DOP1B: variants seen among roughly 807,000 people sequenced by gnomAD.
The protein encoded by DOP1B is DOP1 leucine zipper like protein B, also known as protein DOP1B.
A neutral mutation model predicts 233.5 loss-of-function variants in DOP1B; 174 were observed. That is an observed-to-expected ratio of 0.75 (90% CI 0.66 to 0.85). The LOEUF (loss-of-function observed/expected upper bound fraction) is 0.85. Ranked by LOEUF, DOP1B falls within the 40% of genes least tolerant of loss-of-function variation. The pLI, the probability that DOP1B is intolerant of heterozygous loss-of-function variation, is 0.00. For missense variants in DOP1B, 2,652 were observed against 2,846.6 expected (o/e 0.93, Z 1.56); for synonymous variants, 1,190 against 1,185.6 (o/e 1.00, Z -0.08).
rs201829630 is a variant in DOP1B, at chr21:36,245,206, G to A, written c.3226G>A (p.Glu1076Lys). 1.1e-5 allele frequency: 17 copies of A among 1,613,962 alleles called. No individual in the cohort carries two copies. The highest frequency in any genetic ancestry group is 1.3e-5 in the African/African-American group (1 of 74,936). The change falls in exon 19 of 37, where the codon GAG (glutamate) becomes AAG (lysine). Residue 1076 changes from glutamate (E) to lysine (K), a missense_variant. By Grantham distance (56) the Glu-to-Lys change is moderately conservative (BLOSUM62 1). This residue lies in a region of DOP1B where 2,617 missense variants were observed against 2,794.3 expected (regional missense o/e 0.94). Transcript: ENST00000691173. This position sits in a 1 kb window ranked among gnomAD's most constrained non-coding sequence, Gnocchi z 5.5. ...TTGGGCCGAAGTGGAGAAGGAGCCC[G>A]AGAAGTACCCGCTGCGAGGCGAGCT... ...AIWAEVEKEP[E>K]KYPLRGELSE...
At chr21:36,169,472 G>T in intron 2 of DOP1B, 1 of 1,100,920 alleles carries the variant, frequency 9.1e-7, no homozygotes. Context: ...CAGCTTCTTG[G>T]TGTGCCAACA....
chr21:36,194,620 G>T (rs1278068331), intron 2 of DOP1B, among the ~76,000 whole-genome samples: 2 of 151,608 alleles, frequency 1.3e-5, no homozygotes, highest in East Asian at 3.9e-4. Context: ...CTGAGTAGCT[G>T]GGACTGCAGG....
intron 32 of DOP1B, among the ~76,000 whole-genome samples, chr21:36,282,454 T>C (rs1205775748): frequency 6.6e-6 from 1 of 152,020 alleles, no homozygotes; most frequent in Non-Finnish European, 1.5e-5. Context: ...TACAGTGTTA[T>C]TAATTTGTAT....
At chr21:36,169,522 G>A (rs1042071589) in intron 2 of DOP1B, 47 of 1,118,818 alleles carry the variant, frequency 4.2e-5, no homozygotes, top group Admixed American at 2.1e-4. Context: ...TGGTCACCCC[G>A]ATGATGTCGA....
intron 23 of DOP1B, among the ~76,000 whole-genome samples, chr21:36,258,762 CT>C (rs1214528404): frequency 2.6e-5 from 4 of 152,148 alleles, no homozygotes; most frequent in African/African-American, 9.7e-5. Context: ...CTCAGTCCTC[CT>C]ATATTCTAGG....
intron 23 of DOP1B, among the ~76,000 whole-genome samples, chr21:36,255,820 C>T (rs893054391): frequency 1.3e-5 from 2 of 152,150 alleles, no homozygotes; most frequent in African/African-American, 2.4e-5. Flanking sequence ...CATCTGGCTG[C>T]TGTGAAACAG....
intron 2 of DOP1B, among the ~76,000 whole-genome samples, chr21:36,175,102 T>C (rs1329592368): frequency 7.8e-6 from 1 of 128,934 alleles, no homozygotes; most frequent in Non-Finnish European, 1.8e-5. Flanking sequence ...GTATCCAGAT[T>C]TCTTCTTCTT....
intron 2 of DOP1B, among the ~76,000 whole-genome samples, chr21:36,192,022 G>C (rs1167551532): frequency 6.6e-6 from 1 of 152,010 alleles, no homozygotes; most frequent in Non-Finnish European, 1.5e-5. Flanking sequence ...TCCAGATGGA[G>C]TCCTACCGAA....
intron 6 of DOP1B, 72 bp from the exon 7 acceptor site, chr21:36,211,902 G>A (rs1396252072): frequency 1.2e-6 from 2 of 1,601,108 alleles, no homozygotes; most frequent in Non-Finnish European, 1.7e-6. Flanking sequence ...CAGCAAGGAA[G>A]GGCTGCGTGT....
chr21:36,195,340 CAAAA>C (rs60003046), intron 2 of DOP1B, among the ~76,000 whole-genome samples: 2 of 84,084 alleles, frequency 2.4e-5, no homozygotes, highest in African/African-American at 4.7e-5. Flanking sequence ...GACTCTGGCT[CAAAA>C]AAAAAAAAAA....
chr21:36,256,231 A>G (rs1347373490), intron 23 of DOP1B, among the ~76,000 whole-genome samples: 5 of 152,138 alleles, frequency 3.3e-5, no homozygotes, highest in Non-Finnish European at 7.4e-5. Flanking sequence ...ACTTTAGTCC[A>G]GGAGTTCGAG....
intron 1 of DOP1B, among the ~76,000 whole-genome samples, chr21:36,163,650 A>G (rs1757654873): frequency 6.6e-6 from 1 of 152,244 alleles, no homozygotes; most frequent in Admixed American, 6.5e-5. Context: ...CAGACTGAGC[A>G]GTACTGGTGA....
At chr21:36,211,525 A>G in intron 5 of DOP1B, 28 bp from the exon 6 acceptor site, 1 of 1,604,108 alleles carries the variant, frequency 6.2e-7, no homozygotes. Flanking sequence ...GTAGCCTGAA[A>G]ATGCTAGTGC....
chr21:36,204,197 A>G (rs2066402639), intron 4 of DOP1B, among the ~76,000 whole-genome samples: 1 of 152,202 alleles, frequency 6.6e-6, no homozygotes, highest in African/African-American at 2.4e-5. Context: ...TGAACATTTT[A>G]CAATGCACAC....
In DOP1B at chr21:36,234,078, T is replaced by G. The variant is rs2066798560; in HGVS notation, c.2622+1003T>G. On this transcript the variant is annotated intron_variant, in intron 15 of 36. Coordinates refer to ENST00000691173, the MANE Select transcript of DOP1B (RefSeq NM_001320714.2). ...CGCATTGGCCAGGCTGGTCTCAAAC[T>G]CCTGACCTCAGGAGTTTGGGAGGCC... is the stretch of plus-strand genomic sequence containing the variant. Among the ~76,000 whole-genome samples the G allele has an allele frequency of 2.0e-5, 3 of 151,994 alleles. No individual in the cohort carries two copies. In the South Asian group the frequency reaches 6.2e-4, roughly 32 times the overall value.
At chr21:36,182,662 C>T (rs967691632) in intron 2 of DOP1B, among the ~76,000 whole-genome samples, 5 of 152,046 alleles carry the variant, frequency 3.3e-5, no homozygotes, top group Non-Finnish European at 5.9e-5. Flanking sequence ...GACCCCATCT[C>T]TACAAAAAAA....
At chr21:36,250,482 G>A (rs1365615598) in intron 21 of DOP1B, among the ~76,000 whole-genome samples, 2 of 152,184 alleles carry the variant, frequency 1.3e-5, no homozygotes, top group Non-Finnish European at 2.9e-5. Flanking sequence ...CTGACCTGGG[G>A]TTCCTGAGGC....
intron 34 of DOP1B, 97 bp downstream of exon 34, chr21:36,288,908 C>T (rs1024917907): frequency 6.2e-6 from 9 of 1,441,736 alleles, no homozygotes; most frequent in Middle Eastern, 1.8e-4. Flanking sequence ...ATGCTGTTAT[C>T]TTGAAGTACT....
intron 11 of DOP1B, among the ~76,000 whole-genome samples, chr21:36,224,919 G>C (rs2066664822): frequency 6.6e-6 from 1 of 151,908 alleles, no homozygotes; most frequent in Admixed American, 6.6e-5. Context: ...TGTGGACTGT[G>C]GTGTTCTCCA....
Sources: gnomAD v4.1 joint callset for allele counts (sites outside exome capture counted in the v4.1 genomes callset) on GRCh38, gnomAD v4.1.1 for gene constraint, gnomAD v4.1.1 regional missense constraint, Gnocchi (gnomAD v3.1) non-coding constraint, MANE v1.5 for transcripts, NCBI Gene and HGNC (gene_info 2026-07-23, HGNC 2026-07-21) for gene names.